Variants in LRRC39 observed in about 807,000 individuals in gnomAD.
LRRC39 encodes leucine rich repeat containing 39.
A neutral mutation model predicts 39.7 loss-of-function variants in LRRC39; 35 were observed. The observed-to-expected ratio is 0.88, with a 90% CI of 0.67 to 1.17. The LOEUF (loss-of-function observed/expected upper bound fraction) is 1.17, where lower values mean the gene tolerates loss of function less well. Ranked by LOEUF, LRRC39 falls within the 50% of genes most tolerant of loss-of-function variation. The pLI, the probability that LRRC39 is intolerant of heterozygous loss-of-function variation, is 0.00. For synonymous variants in LRRC39, 113 were observed against 134.1 expected (o/e 0.84, Z 1.09); for missense variants, 357 against 385.8 (o/e 0.93, Z 0.62).
At position 100,152,544 on chromosome 1, in the gene LRRC39, C is replaced by T; in HGVS notation, c.813-20G>A. 6.2e-7 allele frequency: 1 copy of T among 1,611,316 alleles called. No homozygotes were observed. Among genetic ancestry groups the T allele is most frequent in the South Asian group, 1.1e-5 (1 of 90,744 alleles). On this transcript the variant is annotated intron_variant, in intron 8 of 9. Coordinates refer to ENST00000370137, the MANE Select transcript of LRRC39 (RefSeq NM_144620.4). The stretch of plus-strand genomic sequence containing the variant: ...ACAAACCTAGAAGTTCATCAAAAAA[C>T]AGTATTTTTATAGGTGTCATGGAAG...
At chr1:100,149,532 A>G in intron 9 of LRRC39, 1 of 1,191,606 alleles carries the variant, frequency 8.4e-7, no homozygotes, top group Non-Finnish European at 1.2e-6. Flanking sequence ...ATAATTCACA[A>G]ATTTGAAATA....
At chr1:100,149,223 T>G in intron 9 of LRRC39, 126 bp from the exon 10 acceptor site, 1 of 1,495,070 alleles carries the variant, frequency 6.7e-7, no homozygotes, top group Non-Finnish European at 8.9e-7. Flanking sequence ...TAGTGATTGA[T>G]TGTAACAAGG....
At chr1:100,159,216 C>A in intron 5 of LRRC39, 43 bp downstream of exon 5, 1 of 1,514,222 alleles carries the variant, frequency 6.6e-7, no homozygotes, top group South Asian at 1.4e-5. Context: ...AGCACATCTG[C>A]AGGTGGATAA....
At chr1:100,165,025 T>C (rs922501332) in intron 3 of LRRC39, among the ~76,000 whole-genome samples, 7 of 152,178 alleles carry the variant, frequency 4.6e-5, no homozygotes, top group African/African-American at 1.7e-4. Flanking sequence ...TTTAGTCATA[T>C]TACAGGTTTT....
intron 3 of LRRC39, among the ~76,000 whole-genome samples, chr1:100,163,627 G>A (rs1235425661): frequency 2.7e-5 from 4 of 149,910 alleles, no homozygotes; most frequent in African/African-American, 9.8e-5. Flanking sequence ...GAGAAAGGCT[G>A]TCTCCATGTT....
chr1:100,153,078 ATATCT>A (rs1658173437), intron 8 of LRRC39, among the ~76,000 whole-genome samples: 1 of 152,168 alleles, frequency 6.6e-6, no homozygotes, highest in African/African-American at 2.4e-5. Context: ...CAATTTTAAC[ATATCT>A]TAAATATAAA....
chr1:100,155,121 C>A lies in LRRC39; in HGVS notation c.742G>T (p.Gly248Cys), dbSNP rs1658365587. Residue 248 changes from glycine (G) to cysteine (C), a missense_variant, in exon 8 of 10, where the codon GGT becomes TGT. Physicochemically the swap from Gly to Cys is radical, Grantham distance 159 (BLOSUM62 -3). Transcript: ENST00000370137. The stretch of plus-strand genomic sequence containing the variant: ...TTATTGTTGCTGAGAACAAGAGTAC[C>A]CAGATTTTTCATATTGCTGATTGTT... ...PQTISNMKNL[G>C]TLVLSNNKLQ... 6.2e-7 allele frequency: 1 copy of A among 1,610,764 alleles called. No homozygotes were observed. Among genetic ancestry groups the A allele is most frequent in the Non-Finnish European group, 8.5e-7 (1 of 1,178,618 alleles).
intron 7 of LRRC39, 116 bp from the exon 8 acceptor site, chr1:100,155,319 A>C: frequency 1.1e-6 from 1 of 942,136 alleles, no homozygotes. Context: ...GGATGGTCTC[A>C]AACTCCTGAG....
chr1:100,179,538 C>T (rs1316823950), upstream of LRRC39, among the ~76,000 whole-genome samples: 1 of 139,372 alleles, frequency 7.2e-6, no homozygotes, highest in Non-Finnish European at 1.5e-5. Context: ...AGTAGCCAGG[C>T]ATGGTGGCCC....
rs1342733144 is a variant in LRRC39 at position 100,148,895 on chromosome 1, A to G, written c.*147T>C. On this transcript the variant is annotated 3_prime_UTR_variant, in exon 10 of 10. Coordinates refer to ENST00000370137, the MANE Select transcript of LRRC39 (RefSeq NM_144620.4). ...AATTATATTTTTATATCAAAAAAATATATACTTTAAATAGCAAATAATATG... is the reference window on the plus strand; with the variant it reads ...AATTATATTTTTATATCAAAAAAATGTATACTTTAAATAGCAAATAATATG... The G allele has an allele frequency of 3.6e-6, 4 of 1,120,496 alleles. No homozygotes were observed. Among genetic ancestry groups the G allele is most frequent in the Non-Finnish European group, 4.7e-6 (4 of 853,592 alleles). 69.4% of individuals were successfully genotyped at this position (1,120,496 alleles called of 1,614,324 possible).
intron 2 of LRRC39, among the ~76,000 whole-genome samples, chr1:100,171,139 G>T (rs1322186351): frequency 6.6e-6 from 1 of 152,124 alleles, no homozygotes; most frequent in Non-Finnish European, 1.5e-5. Context: ...AAGGAATCCA[G>T]AACTGAAGTG....
chr1:100,154,977 A>G (rs551699885), intron 8 of LRRC39, 74 bp downstream of exon 8: 9 of 1,310,088 alleles, frequency 6.9e-6, no homozygotes, highest in East Asian at 2.6e-5. Context: ...ATTAATAACA[A>G]TCTCTCTACA....
At chr1:100,175,349 G>GTT (rs576646143) in intron 1 of LRRC39, among the ~76,000 whole-genome samples, 62 of 133,220 alleles carry the variant, frequency 4.7e-4, no homozygotes, top group African/African-American at 8.7e-4. Context: ...CAGTGTGCCA[G>GTT]TTTTTTTTTT....
chr1:100,176,994 CT>C (rs1202381368), intron 1 of LRRC39, among the ~76,000 whole-genome samples: 5 of 152,152 alleles, frequency 3.3e-5, no homozygotes, highest in African/African-American at 1.2e-4. Context: ...CAGATACTGT[CT>C]GTACCTTATG....
At chr1:100,177,641 A>C (rs1660053751) in intron 1 of LRRC39, among the ~76,000 whole-genome samples, 1 of 152,222 alleles carries the variant, frequency 6.6e-6, no homozygotes. Context: ...CTCGAATAAA[A>C]ATATTTTTGA....
intron 2 of LRRC39, among the ~76,000 whole-genome samples, chr1:100,169,674 C>T (rs906523565): frequency 1.3e-5 from 2 of 152,078 alleles, no homozygotes; most frequent in South Asian, 2.1e-4. Context: ...ATATAACTAT[C>T]CCACAGTTTA....
At chr1:100,153,645 A>G (rs1311059484) in intron 8 of LRRC39, among the ~76,000 whole-genome samples, 2 of 152,258 alleles carry the variant, frequency 1.3e-5, no homozygotes, top group African/African-American at 2.4e-5. Context: ...ATTTCCCAAA[A>G]GAAGACATAC....
intron 2 of LRRC39, among the ~76,000 whole-genome samples, chr1:100,171,822 AT>A (rs771324202): frequency 2.0e-5 from 3 of 152,024 alleles, no homozygotes; most frequent in Admixed American, 6.6e-5. Context: ...ACACTTCTAA[AT>A]AACCTGTAGT....
At chr1:100,172,621 G>A (rs547808164) in intron 2 of LRRC39, among the ~76,000 whole-genome samples, 2 of 150,694 alleles carry the variant, frequency 1.3e-5, no homozygotes, top group African/African-American at 2.4e-5. Context: ...TCAGGAGTTC[G>A]AGACCAGCCT....
Sources: gnomAD v4.1 joint callset for allele counts (sites outside exome capture counted in the v4.1 genomes callset) on GRCh38, gnomAD v4.1.1 for gene constraint, MANE v1.5 for transcripts, NCBI Gene and HGNC (gene_info 2026-07-23, HGNC 2026-07-21) for gene names.